The following PRKCZ variants were observed in gnomAD, a reference collection of about 807,000 sequenced individuals.
PRKCZ encodes protein kinase C zeta type.
In PRKCZ, 33 loss-of-function variants were observed where a neutral mutation model predicts 79.5. The ratio of observed to expected loss-of-function variants is 0.41; its 90% confidence interval spans 0.31 to 0.55. The LOEUF (loss-of-function observed/expected upper bound fraction) is 0.55, where lower values mean the gene tolerates loss of function less well. Among genes scored for constraint, PRKCZ ranks in the 20% least tolerant of loss-of-function variants. The probability of loss-of-function intolerance (pLI) is 0.19; values close to 1 mark genes in which losing one functional copy is unlikely to be tolerated. For synonymous variants in PRKCZ, 342 were observed against 320.9 expected (o/e 1.07, Z -0.70); for missense variants, 578 against 813.5 (o/e 0.71, Z 3.52).
chr1:2,049,948 C>G (rs927444595), upstream of PRKCZ: 1 of 152,328 alleles, frequency 6.6e-6, no homozygotes, highest in African/African-American at 2.4e-5. Context: ...GAACCCGAGT[C>G]CGGACGCTCC....
At position 2,172,416 on chromosome 1, in the gene PRKCZ, G is replaced by C; in HGVS notation, c.1285+28G>C. ...GAGTGCCGCTGCCCTGGCCCCTCTC[G>C]GAGCACACAGGGCCAGAGATGGCTT... is the stretch of plus-strand genomic sequence containing the variant. On this transcript the variant is annotated intron_variant, in intron 13 of 17. Transcript: ENST00000378567. This position sits in a 1 kb window ranked among gnomAD's most constrained non-coding sequence, Gnocchi z 7.8. 1 of 1,597,342 alleles carries C rather than the reference G, an allele frequency of 6.3e-7. No homozygotes were observed. Among genetic ancestry groups the C allele is most frequent in the Non-Finnish European group, 8.5e-7 (1 of 1,171,188 alleles).
intron 10 of PRKCZ, among the ~76,000 whole-genome samples, chr1:2,162,978 G>A (rs1233680749): frequency 6.6e-6 from 1 of 152,138 alleles, no homozygotes; most frequent in East Asian, 1.9e-4. Flanking sequence ...ACTTTCAGGT[G>A]GTTTTCTGGG....
chr1:2,082,477 G>C lies in PRKCZ; in HGVS notation c.334+22886G>C. ...TTTCATTCTGTGAGTGTAAGATCAC[G>C]TCCGCGTTCCTAGCGACCGGTTTTG... On this transcript the variant is annotated intron_variant, in intron 4 of 17. Transcript: ENST00000378567. This position sits in a 1 kb window ranked among gnomAD's most constrained non-coding sequence, Gnocchi z 4.4. The C allele has an allele frequency of 2.2e-6, 1 of 452,746 alleles. No homozygotes were observed. Among genetic ancestry groups the C allele is most frequent in the Non-Finnish European group, 4.4e-6 (1 of 225,048 alleles). 28.0% of individuals were successfully genotyped at this position (452,746 alleles called of 1,614,324 possible).
intron 16 of PRKCZ, chr1:2,184,320 G>A: frequency 2.5e-6 from 1 of 402,656 alleles, no homozygotes; most frequent in South Asian, 2.6e-5. Context: ...GGCCTCGCAT[G>A]GGTGGCTGGG....
At chr1:2,057,690 AC>A (rs74944936) in intron 3 of PRKCZ, among the ~76,000 whole-genome samples, 15 of 150,258 alleles carry the variant, frequency 1.0e-4, no homozygotes, top group African/African-American at 1.5e-4. Flanking sequence ...ACATAGTGAG[AC>A]CCCCCCCTCT....
chr1:2,082,336 C>A lies in PRKCZ; in HGVS notation c.334+22745C>A. The stretch of plus-strand genomic sequence containing the variant: ...GCTGTTCAAGATGGACTTGGCAAAT[C>A]ACCTCTTTCAAGTTGCCGGCTACCC... On this transcript the variant is annotated intron_variant, in intron 4 of 17. Transcript: ENST00000378567. The surrounding 1 kb of genome is among the most constrained non-coding windows in gnomAD (Gnocchi z 4.4). 2.2e-6 allele frequency: 1 copy of A among 455,062 alleles called. No homozygotes were observed. The highest frequency in any genetic ancestry group is 4.4e-6 in the Non-Finnish European group (1 of 226,386). The allele number at this position is 455,062 out of a possible 1,614,324, so 28.2% of individuals were successfully genotyped here. A position where few individuals can be genotyped will look rare whatever the true frequency, so the allele number is the denominator to read the frequency against.
chr1:2,067,011 T>C (rs528953281), intron 4 of PRKCZ, among the ~76,000 whole-genome samples: 34 of 152,398 alleles, frequency 2.2e-4, no homozygotes, highest in African/African-American at 6.5e-4. Flanking sequence ...TCTGATTTTC[T>C]TTGTGGTTTC....
rs987245895 is a variant in PRKCZ, at chr1:2,094,441, G to A, written c.334+34850G>A. On this transcript the variant is annotated intron_variant, in intron 4 of 17. Coordinates refer to ENST00000378567, the MANE Select transcript of PRKCZ (RefSeq NM_002744.6). This position sits in a 1 kb window ranked among gnomAD's most constrained non-coding sequence, Gnocchi z 7.3. ...AACCTTGGGCGCTGCCCGTTCTGAG[G>A]CACCCGCTGTGCCCGGCTCGTTGAA... Among the ~76,000 whole-genome samples, 5 of 150,226 alleles carry A rather than the reference G, an allele frequency of 3.3e-5. No individual in the cohort carries two copies. Among genetic ancestry groups the A allele is most frequent in the African/African-American group, 1.2e-4 (5 of 40,620 alleles).
chr1:2,164,054 C>T (rs1157722344), intron 10 of PRKCZ, among the ~76,000 whole-genome samples: 1 of 152,176 alleles, frequency 6.6e-6, no homozygotes, highest in East Asian at 1.9e-4. Context: ...CCTTAGATTC[C>T]TGGGGAAAAC....
rs550018169 is a variant in PRKCZ, at chr1:2,177,311, C to T, written c.1575+1998C>T. 9.8e-5 allele frequency among the ~76,000 whole-genome samples: 15 copies of T among 152,312 alleles called. No homozygotes were observed. Among genetic ancestry groups the T allele is most frequent in the Non-Finnish European group, 1.8e-4 (12 of 68,020 alleles). ...ATTACGTGAGGAGCCAGCATCCCCG[C>T]TCCCAGCCACCTCCCCTCGCCCGTC... is the stretch of plus-strand genomic sequence containing the variant. On this transcript the variant is annotated intron_variant, in intron 16 of 17. Transcript: ENST00000378567. This position sits in a 1 kb window ranked among gnomAD's most constrained non-coding sequence, Gnocchi z 6.4.
intron 16 of PRKCZ, 24 bp from the exon 17 acceptor site, chr1:2,184,559 C>T (rs199841488): frequency 4.4e-6 from 7 of 1,595,136 alleles, no homozygotes; most frequent in African/African-American, 1.3e-5. Flanking sequence ...GCGGAGCTGA[C>T]CCTTCTCCTA....
chr1:2,063,908 C>G (rs545951212), intron 4 of PRKCZ, among the ~76,000 whole-genome samples: 1 of 148,572 alleles, frequency 6.7e-6, no homozygotes. Flanking sequence ...TGCAGTGGCA[C>G]GATCATGGCT....
chr1:2,153,456 T>C (rs919476515), intron 9 of PRKCZ, among the ~76,000 whole-genome samples: 5 of 152,200 alleles, frequency 3.3e-5, no homozygotes, highest in Non-Finnish European at 5.9e-5. Context: ...GAGCTGGGGC[T>C]GGGGCTGAGC....
chr1:2,151,179 G>A (rs1009430576), intron 9 of PRKCZ, among the ~76,000 whole-genome samples: 2 of 152,238 alleles, frequency 1.3e-5, no homozygotes, highest in Non-Finnish European at 2.9e-5. Context: ...ACTGTTGTGT[G>A]AACATCACAG....
chr1:2,185,072 G>T lies in PRKCZ; in HGVS notation c.*63G>T. 6.9e-7 allele frequency: 1 copy of T among 1,442,028 alleles called. No homozygotes were observed. Among genetic ancestry groups the T allele is most frequent in the African/African-American group, 1.4e-5 (1 of 71,558 alleles). The allele number at this position is 1,442,028 out of a possible 1,614,324, so 89.3% of individuals were successfully genotyped here. Reference sequence around the variant, plus strand: ...CCCTTTAACTGTATCCTTAACCACCGCATATGCATGCCAGGCTGGGCACGG... The same window carrying T: ...CCCTTTAACTGTATCCTTAACCACCTCATATGCATGCCAGGCTGGGCACGG... On this transcript the variant is annotated 3_prime_UTR_variant, in exon 18 of 18. Coordinates refer to ENST00000378567, the MANE Select transcript of PRKCZ (RefSeq NM_002744.6).
chr1:2,094,393 C>T lies in PRKCZ; in HGVS notation c.334+34802C>T, dbSNP rs1016930371. On this transcript the variant is annotated intron_variant, in intron 4 of 17. Coordinates refer to ENST00000378567, the MANE Select transcript of PRKCZ (RefSeq NM_002744.6). This position sits in a 1 kb window ranked among gnomAD's most constrained non-coding sequence, Gnocchi z 7.3. The stretch of plus-strand genomic sequence containing the variant: ...ACCTTGGGCACTGCCCATTCTGAGG[C>T]GCCCGCTGTGCCCGGCTCGTTGAAC... 5.9e-5 allele frequency among the ~76,000 whole-genome samples: 9 copies of T among 152,098 alleles called. No homozygotes were observed. Among genetic ancestry groups the T allele is most frequent in the South Asian group, 4.1e-4 (2 of 4,826 alleles).
chr1:2,114,277 C>T (rs911013365), intron 4 of PRKCZ, among the ~76,000 whole-genome samples: 2 of 152,062 alleles, frequency 1.3e-5, no homozygotes, highest in African/African-American at 2.4e-5. Context: ...ATACAGGTAG[C>T]CCAAGCACAG....
intron 4 of PRKCZ, among the ~76,000 whole-genome samples, chr1:2,071,791 G>A (rs1661615469): frequency 1.3e-5 from 2 of 152,306 alleles, no homozygotes; most frequent in South Asian, 4.1e-4. Context: ...CGTGGCCATG[G>A]TATTCGGTGG....
chr1:2,120,632 C>T (rs925344281), intron 4 of PRKCZ, among the ~76,000 whole-genome samples: 1 of 151,790 alleles, frequency 6.6e-6, no homozygotes, highest in East Asian at 1.9e-4. Flanking sequence ...TGTTCTCTCT[C>T]CCCTGGGACC....
Sources: gnomAD v4.1 joint callset for allele counts (sites outside exome capture counted in the v4.1 genomes callset) on GRCh38, gnomAD v4.1.1 for gene constraint, Gnocchi (gnomAD v3.1) non-coding constraint, MANE v1.5 for transcripts, NCBI Gene and HGNC (gene_info 2026-07-23, HGNC 2026-07-21) for gene names.